SLC10A7: variants seen among roughly 807,000 people sequenced by gnomAD.
SLC10A7 encodes sodium/bile acid cotransporter 7.
SLC10A7 carries 29 observed loss-of-function variants against 43.2 expected under a neutral mutation model. The observed-to-expected ratio is 0.67, with a 90% confidence interval of 0.50 to 0.92. The LOEUF is 0.92. Ranked by LOEUF, SLC10A7 falls within the 40% of genes least tolerant of loss-of-function variation. SLC10A7 has a pLI of 0.00. For missense variants in SLC10A7, 295 were observed against 403.2 expected, an observed-to-expected ratio of 0.73 and a Z score of 2.30; for synonymous variants, 152 against 144.8, an observed-to-expected ratio of 1.05 and a Z score of -0.35.
At chr4:146,478,021 A>G (rs1454408063) in intron 4 of SLC10A7, 1 of 152,246 alleles carries the variant, frequency 6.6e-6, no homozygotes, top group Non-Finnish European at 1.5e-5. Context: ...AAAAGAAAAC[A>G]TATCAAAACA....
chr4:146,319,955 T>C (rs1400611756), intron 6 of SLC10A7, among the ~76,000 whole-genome samples: 2 of 152,062 alleles, frequency 1.3e-5, no homozygotes, highest in African/African-American at 4.8e-5. Context: ...GCGAAGAATA[T>C]GGCTACAGAT....
intron 10 of SLC10A7, among the ~76,000 whole-genome samples, chr4:146,262,747 C>T (rs1318716484): frequency 1.3e-5 from 2 of 152,240 alleles, no homozygotes; most frequent in Admixed American, 1.3e-4. Flanking sequence ...TCCCCCTCAC[C>T]TTCGTTTAAG....
At chr4:146,376,931 A>T (rs1385587726) in intron 5 of SLC10A7, among the ~76,000 whole-genome samples, 2 of 152,150 alleles carry the variant, frequency 1.3e-5, no homozygotes, top group African/African-American at 4.8e-5. Context: ...GCAGAGGAGA[A>T]CAAAGGAAGG....
chr4:146,436,047 AAAAAAAAT>A (rs1730184654), intron 5 of SLC10A7, among the ~76,000 whole-genome samples: 1 of 148,428 alleles, frequency 6.7e-6, no homozygotes, highest in Admixed American at 6.6e-5. Flanking sequence ...TCATTGCTTT[AAAAAAAAT>A]CCATCATTAT....
intron 5 of SLC10A7, among the ~76,000 whole-genome samples, chr4:146,385,047 C>T (rs1408491820): frequency 6.6e-6 from 1 of 151,988 alleles, no homozygotes; most frequent in Non-Finnish European, 1.5e-5. Context: ...ACAATTAAGC[C>T]ACCTTTCTTC....
chr4:146,304,077 A>C (rs1037556771), intron 7 of SLC10A7, among the ~76,000 whole-genome samples: 2 of 102,756 alleles, frequency 1.9e-5, no homozygotes, highest in African/African-American at 3.8e-5. Flanking sequence ...AAACAAAAAA[A>C]ATCCACTTGT....
chr4:146,463,203 T>C (rs1732694980), intron 4 of SLC10A7, among the ~76,000 whole-genome samples: 1 of 152,184 alleles, frequency 6.6e-6, no homozygotes, highest in African/African-American at 2.4e-5. Flanking sequence ...ATTAAATACA[T>C]GTGTCTATAA....
chr4:146,499,385 T>C (rs1043009882), intron 4 of SLC10A7, among the ~76,000 whole-genome samples: 1 of 152,210 alleles, frequency 6.6e-6, no homozygotes, highest in Non-Finnish European at 1.5e-5. Context: ...GCCCAGCTTG[T>C]GGACCTTTTC....
chr4:146,342,957 A>C (rs1734369017), intron 5 of SLC10A7, among the ~76,000 whole-genome samples: 1 of 151,934 alleles, frequency 6.6e-6, no homozygotes. Context: ...GTTTTGATGG[A>C]TGACCTCTTT....
intron 5 of SLC10A7, among the ~76,000 whole-genome samples, chr4:146,393,614 G>A (rs1328869332): frequency 6.6e-6 from 1 of 152,200 alleles, no homozygotes; most frequent in African/African-American, 2.4e-5. Flanking sequence ...CTTCTTGAAT[G>A]AATGAGTGCA....
intron 6 of SLC10A7, among the ~76,000 whole-genome samples, chr4:146,313,910 A>G (rs949951577): frequency 1.3e-5 from 2 of 152,176 alleles, no homozygotes; most frequent in Non-Finnish European, 2.9e-5. Context: ...CTTCAAGGCA[A>G]TTATTATGCC....
intron 9 of SLC10A7, among the ~76,000 whole-genome samples, chr4:146,292,165 G>A (rs1233895883): frequency 6.6e-6 from 1 of 152,166 alleles, no homozygotes; most frequent in Admixed American, 6.5e-5. Flanking sequence ...AAATAGACTA[G>A]AGTACCTTGT....
At chr4:146,402,482 G>A (rs951852364) in intron 5 of SLC10A7, among the ~76,000 whole-genome samples, 7 of 151,944 alleles carry the variant, frequency 4.6e-5, no homozygotes, top group Non-Finnish European at 8.8e-5. Flanking sequence ...CTTCAGCCCT[G>A]ACCGCCTCCT....
intron 4 of SLC10A7, among the ~76,000 whole-genome samples, chr4:146,476,733 A>G (rs1048292720): frequency 6.6e-6 from 1 of 152,166 alleles, no homozygotes; most frequent in African/African-American, 2.4e-5. Flanking sequence ...TACTTGCTTA[A>G]AGTAATCCAT....
intron 4 of SLC10A7, among the ~76,000 whole-genome samples, chr4:146,492,403 T>C (rs567415326): frequency 7.2e-5 from 11 of 152,280 alleles, no homozygotes; most frequent in African/African-American, 2.4e-4. Flanking sequence ...GGTCTCACTC[T>C]TTCCCCCAGG....
chr4:146,456,283 G>T (rs1008681243), intron 4 of SLC10A7, among the ~76,000 whole-genome samples: 1 of 151,914 alleles, frequency 6.6e-6, no homozygotes, highest in Non-Finnish European at 1.5e-5. Context: ...CTCTAAAACA[G>T]GGATTGGTGA....
chr4:146,371,777 C>T (rs1297263014), intron 5 of SLC10A7, among the ~76,000 whole-genome samples: 2 of 152,126 alleles, frequency 1.3e-5, no homozygotes, highest in Non-Finnish European at 2.9e-5. Flanking sequence ...TGTATAAAAA[C>T]AGGGCCTCAC....
intron 7 of SLC10A7, among the ~76,000 whole-genome samples, chr4:146,298,436 T>G (rs1160113198): frequency 6.6e-6 from 1 of 152,198 alleles, no homozygotes; most frequent in Non-Finnish European, 1.5e-5. Context: ...AATGGAAGAC[T>G]AATATGAAAG....
chr4:146,355,463 T>C (rs1188295472), intron 5 of SLC10A7, among the ~76,000 whole-genome samples: 1 of 151,956 alleles, frequency 6.6e-6, no homozygotes, highest in Non-Finnish European at 1.5e-5. Flanking sequence ...AGTTCAACCA[T>C]TGTGGAAGTC....
Sources: gnomAD v4.1 joint callset for allele counts (sites outside exome capture counted in the v4.1 genomes callset) on GRCh38, gnomAD v4.1.1 for gene constraint, MANE v1.5 for transcripts, NCBI Gene and HGNC (gene_info 2026-07-23, HGNC 2026-07-21) for gene names.